The following HIRA variants were observed in gnomAD, a reference collection of about 807,000 sequenced individuals.
HIRA encodes protein HIRA.
In HIRA, 13 loss-of-function variants were observed where a neutral mutation model predicts 126.6. That is an observed-to-expected ratio of 0.10 (90% CI 0.07 to 0.16). HIRA has a LOEUF of 0.16. Among genes scored for constraint, HIRA ranks in the 10% least tolerant of loss-of-function variants. HIRA has a pLI of 1.00. For synonymous variants in HIRA, 511 were observed against 520.0 expected (o/e 0.98, Z 0.24); for missense variants, 834 against 1,314.4 (o/e 0.63, Z 5.65).
chr22:19,391,695 T>C (rs2146225330), intron 9 of HIRA, among the ~76,000 whole-genome samples: 1 of 152,218 alleles, frequency 6.6e-6, no homozygotes, highest in African/African-American at 2.4e-5. Context: ...TTAGCCAGGA[T>C]GGTCTCGAAC....
chr22:19,373,161 A>G (rs1193026726), intron 15 of HIRA, among the ~76,000 whole-genome samples: 3 of 152,150 alleles, frequency 2.0e-5, no homozygotes, highest in Non-Finnish European at 4.4e-5. Context: ...TTGCTCTTAC[A>G]TTTAGTTCTT....
At chr22:19,380,302 T>C (rs565394605) in intron 13 of HIRA, among the ~76,000 whole-genome samples, 2 of 152,372 alleles carry the variant, frequency 1.3e-5, no homozygotes, top group South Asian at 2.1e-4. Context: ...TATGTAATGA[T>C]AAGTTATGAG....
chr22:19,331,561 G>C lies in HIRA; in HGVS notation c.2938-5C>G, dbSNP rs544842145. The C allele has an allele frequency of 6.3e-6, 10 of 1,587,026 alleles. No individual in the cohort carries two copies. The African/African-American group carries it at 1.1e-4, about 17-fold the overall frequency. Reference sequence around the variant, plus strand: ...CAGCTCCCTCTTCCGCAGACCCTGTGGACACAGAGTGACAGCTGAGTGCAA... The same window carrying C: ...CAGCTCCCTCTTCCGCAGACCCTGTCGACACAGAGTGACAGCTGAGTGCAA... On this transcript the variant is annotated splice_region_variant and splice_polypyrimidine_tract_variant and intron_variant, in intron 24 of 24. Transcript: ENST00000263208.
intron 1 of HIRA, among the ~76,000 whole-genome samples, chr22:19,428,202 G>GT (rs2089503237): frequency 6.6e-6 from 1 of 152,152 alleles, no homozygotes; most frequent in Admixed American, 6.5e-5. Flanking sequence ...TCACTACAAC[G>GT]TGACAACTTC....
chr22:19,363,371 C>T (rs1258108074), intron 15 of HIRA, among the ~76,000 whole-genome samples: 1 of 152,184 alleles, frequency 6.6e-6, no homozygotes, highest in Non-Finnish European at 1.5e-5. Context: ...ACTTGGTAGG[C>T]TGAGGCAGGA....
rs782305020 is a variant in HIRA, at chr22:19,351,479, C to A, written c.2849-33G>T. On this transcript the variant is annotated intron_variant, in intron 23 of 24. Transcript: ENST00000263208. This position sits in a 1 kb window ranked among gnomAD's most constrained non-coding sequence, Gnocchi z 4.8. ...CAGAAAAACAAACAAACAACAACAA[C>A]AAAAAACAAAACAGAAATAGGAACA... is the stretch of plus-strand genomic sequence containing the variant. 95 of 1,451,642 alleles carry A rather than the reference C, an allele frequency of 6.5e-5. No homozygotes were observed. In the African/African-American group the frequency reaches 8.6e-4, roughly 13 times the overall value. The allele number at this position is 1,451,642 out of a possible 1,614,324, so 89.9% of individuals were successfully genotyped here. A position where few individuals can be genotyped will look rare whatever the true frequency, so the allele number is the denominator to read the frequency against.
rs758362224 is a variant in HIRA at position 19,359,365 on chromosome 22, G to T, written c.2205C>A (p.Thr735=). The T allele has an allele frequency of 1.4e-5, 23 of 1,605,294 alleles. No individual in the cohort carries two copies. The African/African-American group carries it at 2.4e-4, about 17-fold the overall frequency. The change falls in exon 18 of 25, where the codon ACC becomes ACA. Residue 735 remains threonine, a synonymous_variant. Coordinates refer to ENST00000263208, the MANE Select transcript of HIRA (RefSeq NM_003325.4). ...TGCCCGCAGCAGTGAGGATCCGGCT[G>T]GTGAGTACCGTCTCCCACTCCTTCC... The part of the protein sequence containing the change: ...REGKEWETVL[T]SRILTAAGSC...
intron 24 of HIRA, among the ~76,000 whole-genome samples, chr22:19,331,846 C>G (rs2088492039): frequency 6.6e-6 from 1 of 152,200 alleles, no homozygotes; most frequent in Non-Finnish European, 1.5e-5. Context: ...GAGCAGTTCC[C>G]TGACCATCCA....
At chr22:19,347,588 C>T (rs918126922) in intron 24 of HIRA, among the ~76,000 whole-genome samples, 1 of 152,148 alleles carries the variant, frequency 6.6e-6, no homozygotes, top group African/African-American at 2.4e-5. Flanking sequence ...AAGAGGGATG[C>T]CTTTGCTTTG....
At chr22:19,422,492 T>C (rs754389933) in intron 1 of HIRA, among the ~76,000 whole-genome samples, 1 of 152,134 alleles carries the variant, frequency 6.6e-6, no homozygotes, top group Non-Finnish European at 1.5e-5. Flanking sequence ...AGTAGTCCTC[T>C]GCTCCCCTTG....
intron 1 of HIRA, among the ~76,000 whole-genome samples, chr22:19,425,326 C>T (rs1183628257): frequency 2.0e-5 from 3 of 152,256 alleles, no homozygotes; most frequent in Admixed American, 1.3e-4. Context: ...ATTTTTGGTC[C>T]CCAGGGCTCA....
At chr22:19,403,716 T>TA (rs1456519560) in intron 5 of HIRA, among the ~76,000 whole-genome samples, 1 of 152,246 alleles carries the variant, frequency 6.6e-6, no homozygotes, top group Non-Finnish European at 1.5e-5. Context: ...ATGCTTTTGT[T>TA]ACATTATTTT....
chr22:19,385,981 G>C (rs923628449), intron 11 of HIRA, among the ~76,000 whole-genome samples: 1 of 152,194 alleles, frequency 6.6e-6, no homozygotes, highest in South Asian at 2.1e-4. Context: ...CAGTAAATGA[G>C]ACAGCCAACA....
chr22:19,384,358 G>A (rs918812049), intron 12 of HIRA, among the ~76,000 whole-genome samples: 13 of 150,636 alleles, frequency 8.6e-5, no homozygotes, highest in African/African-American at 2.9e-4. Context: ...GATATCATGC[G>A]GTATTTGTCC....
chr22:19,397,529 CTAGTTA>C (rs2089233918), intron 6 of HIRA, among the ~76,000 whole-genome samples: 1 of 152,200 alleles, frequency 6.6e-6, no homozygotes, highest in African/African-American at 2.4e-5. Flanking sequence ...AAGAATTTTA[CTAGTTA>C]TAAACTGCAG....
At chr22:19,390,163 T>C (rs2146223267) in intron 9 of HIRA, among the ~76,000 whole-genome samples, 1 of 152,206 alleles carries the variant, frequency 6.6e-6, no homozygotes, top group Non-Finnish European at 1.5e-5. Context: ...AACTTAACCC[T>C]TCAGGAGCCC....
intron 24 of HIRA, among the ~76,000 whole-genome samples, chr22:19,338,692 T>A (rs1378992567): frequency 6.6e-6 from 1 of 152,116 alleles, no homozygotes; most frequent in African/African-American, 2.4e-5. Flanking sequence ...AAACAGACTT[T>A]AAAGCAACAA....
intron 4 of HIRA, among the ~76,000 whole-genome samples, chr22:19,406,143 A>C (rs1241728254): frequency 6.6e-6 from 1 of 152,248 alleles, no homozygotes; most frequent in Non-Finnish European, 1.5e-5. Flanking sequence ...CATCACATAC[A>C]ATATGATATC....
Position 19,385,656 on chromosome 22 carries a change from G to T in HIRA, c.1194C>A (p.Asn398Lys). The stretch of plus-strand genomic sequence containing the variant: ...TTCGCTGGTACTTGAGCATCTCAGG[G>T]TTCTCAATGACGGCTGTGGAGAGCT... ...EAQLSTAVIE[N>K]PEMLKYQRRQ... Residue 398 changes from asparagine to lysine, a missense_variant, in exon 12 of 25, where the codon AAC (asparagine) becomes AAA (lysine). By Grantham distance (94) the Asn-to-Lys change is moderately conservative. This residue lies in a region of HIRA where 153 missense variants were observed against 270.6 expected (regional missense o/e 0.57). Transcript: ENST00000263208. 1 of 1,614,208 alleles carries T rather than the reference G, an allele frequency of 6.2e-7. No individual in the cohort carries two copies. Among genetic ancestry groups the T allele is most frequent in the Non-Finnish European group, 8.5e-7 (1 of 1,180,044 alleles).
Sources: gnomAD v4.1 joint callset for allele counts (sites outside exome capture counted in the v4.1 genomes callset) on GRCh38, gnomAD v4.1.1 for gene constraint, gnomAD v4.1.1 regional missense constraint, Gnocchi (gnomAD v3.1) non-coding constraint, MANE v1.5 for transcripts, NCBI Gene and HGNC (gene_info 2026-07-23, HGNC 2026-07-21) for gene names.